ASTN2: variants seen among roughly 807,000 people sequenced by gnomAD.
The protein encoded by ASTN2 is astrotactin 2.
ASTN2 carries 54 observed loss-of-function variants against 139.8 expected under a neutral mutation model. The ratio of observed to expected loss-of-function variants is 0.39; its 90% CI spans 0.31 to 0.48. ASTN2 has a LOEUF of 0.48. Ranked by LOEUF, ASTN2 falls within the 20% of genes least tolerant of loss-of-function variation. The pLI is 0.95. For missense variants in ASTN2, 1,565 were observed against 1,725.1 expected, an observed-to-expected ratio of 0.91 and a Z score of 1.64; for synonymous variants, 756 against 719.5, an observed-to-expected ratio of 1.05 and a Z score of -0.81.
At chr9:117,080,954 T>G (rs1828411703) in intron 5 of ASTN2, among the ~76,000 whole-genome samples, 1 of 152,178 alleles carries the variant, frequency 6.6e-6, no homozygotes, top group Non-Finnish European at 1.5e-5. Context: ...CACACCCAAA[T>G]GTAATGGATA....
intron 5 of ASTN2, among the ~76,000 whole-genome samples, chr9:117,059,070 G>A (rs979195406): frequency 2.0e-5 from 3 of 152,198 alleles, no homozygotes; most frequent in African/African-American, 7.2e-5. Context: ...TAAGGGAGAA[G>A]GGTATCCTGC....
At chr9:116,731,934 TG>T (rs551184491) in intron 14 of ASTN2, among the ~76,000 whole-genome samples, 3 of 152,286 alleles carry the variant, frequency 2.0e-5, no homozygotes, top group South Asian at 2.1e-4. Context: ...ATTATAGACT[TG>T]ATTCCTCATT....
At chr9:116,973,292 T>A (rs771437270) in intron 10 of ASTN2, among the ~76,000 whole-genome samples, 6 of 152,290 alleles carry the variant, frequency 3.9e-5, no homozygotes, top group Admixed American at 2.0e-4. Context: ...TAGAAAATGA[T>A]CGATGATATG....
intron 11 of ASTN2, among the ~76,000 whole-genome samples, chr9:116,855,818 TTATAAGG>T (rs1832724365): frequency 6.6e-6 from 1 of 152,212 alleles, no homozygotes; most frequent in South Asian, 2.1e-4. Flanking sequence ...AATGCTTTCC[TTATAAGG>T]TAGCTGTGAG....
intron 16 of ASTN2, among the ~76,000 whole-genome samples, chr9:116,654,723 C>T (rs111441195): frequency 0.011 from 1,703 of 152,254 alleles, 29 homozygotes; most frequent in African/African-American, 0.039. Flanking sequence ...ATCATTTAAA[C>T]GACTATCTTA....
At chr9:117,135,603 G>A (rs1829932171) in intron 4 of ASTN2, among the ~76,000 whole-genome samples, 3 of 152,290 alleles carry the variant, frequency 2.0e-5, no homozygotes, top group Non-Finnish European at 4.4e-5. Flanking sequence ...TCATGGGACT[G>A]TGAGAGCTGA....
chr9:116,859,707 G>A (rs1453583722), intron 11 of ASTN2, among the ~76,000 whole-genome samples: 7 of 152,210 alleles, frequency 4.6e-5, no homozygotes. Flanking sequence ...GTGTATGAAG[G>A]GGATGAGGGG....
intron 12 of ASTN2, among the ~76,000 whole-genome samples, chr9:116,814,911 T>G (rs918992079): frequency 1.3e-5 from 2 of 152,250 alleles, no homozygotes; most frequent in Non-Finnish European, 1.5e-5. Context: ...GAGCATTTTT[T>G]ACACCTGAGC....
Position 116,805,698 on chromosome 9 carries a change from A to G in ASTN2, c.2330T>C (p.Met777Thr), listed in dbSNP as rs754011246. The change falls in exon 13 of 23, where the codon ATG (methionine) becomes ACG (threonine). Residue 777 changes from methionine (M) to threonine (T), a missense_variant. Met to Thr is a moderately conservative substitution (Grantham distance 81). Transcript: ENST00000313400. ...GGTCCGGTTGTTGTAACCATGTAGC[A>G]TCTCTCCAAAGAGGGTATCATTGAA... is the stretch of plus-strand genomic sequence containing the variant. ...SKFNDTLFGEMLHGYNNRTQH... is the reference protein window; with the variant it reads ...SKFNDTLFGETLHGYNNRTQH... 6.2e-7 allele frequency: 1 copy of G among 1,613,950 alleles called. No homozygotes were observed. Among genetic ancestry groups the G allele is most frequent in the East Asian group, 2.2e-5 (1 of 44,878 alleles).
At chr9:117,212,640 A>G (rs1832175494) in intron 3 of ASTN2, among the ~76,000 whole-genome samples, 2 of 152,188 alleles carry the variant, frequency 1.3e-5, no homozygotes, top group South Asian at 4.1e-4. Flanking sequence ...TTCTGAATAG[A>G]AATTTCTCAA....
intron 16 of ASTN2, among the ~76,000 whole-genome samples, chr9:116,667,383 T>C (rs960599407): frequency 5.9e-5 from 9 of 152,208 alleles, no homozygotes; most frequent in African/African-American, 1.9e-4. Context: ...GTTTGCAATA[T>C]ACACTGGGAT....
intron 1 of ASTN2, among the ~76,000 whole-genome samples, chr9:117,305,807 A>G (rs1401123743): frequency 6.6e-6 from 1 of 152,196 alleles, no homozygotes; most frequent in African/African-American, 2.4e-5. Flanking sequence ...TGACATTCCC[A>G]TGACTTAAGG....
intron 19 of ASTN2, chr9:116,611,091 T>C (rs567998654): frequency 2.0e-5 from 3 of 152,178 alleles, no homozygotes; most frequent in Non-Finnish European, 4.4e-5. Flanking sequence ...AAAACATATT[T>C]TCTGACTATA....
intron 1 of ASTN2, among the ~76,000 whole-genome samples, chr9:117,394,013 T>C (rs1443984066): frequency 6.6e-6 from 1 of 152,170 alleles, no homozygotes; most frequent in African/African-American, 2.4e-5. Context: ...AATGCAAGCT[T>C]ATGATGCAAT....
chr9:116,497,755 C>G (rs984057708), intron 19 of ASTN2, among the ~76,000 whole-genome samples: 4 of 152,116 alleles, frequency 2.6e-5, no homozygotes, highest in African/African-American at 9.7e-5. Context: ...AGGCCAAGTT[C>G]TCCTCCCCCC....
At chr9:116,728,957 C>A (rs1476261516) in intron 15 of ASTN2, 35 bp downstream of exon 15, 3 of 1,536,912 alleles carry the variant, frequency 2.0e-6, no homozygotes, top group Non-Finnish European at 2.6e-6. Flanking sequence ...CTAAATTATT[C>A]CAAGTCCCCT....
intron 20 of ASTN2, among the ~76,000 whole-genome samples, chr9:116,482,849 G>C (rs998661110): frequency 6.6e-6 from 1 of 152,204 alleles, no homozygotes; most frequent in African/African-American, 2.4e-5. Flanking sequence ...CCAGGGAGGT[G>C]AGGGCGGGTC....
chr9:116,945,939 C>A (rs577827074), intron 10 of ASTN2, among the ~76,000 whole-genome samples: 1 of 152,236 alleles, frequency 6.6e-6, no homozygotes, highest in African/African-American at 2.4e-5. Flanking sequence ...AACTGGGAGG[C>A]CTTAGGAAAC....
chr9:117,394,781 A>G (rs1257701477), intron 1 of ASTN2, among the ~76,000 whole-genome samples: 2 of 152,160 alleles, frequency 1.3e-5, no homozygotes, highest in African/African-American at 2.4e-5. Context: ...GAGACAAGCA[A>G]TAGAGGCGGG....
Sources: gnomAD v4.1 joint callset for allele counts (sites outside exome capture counted in the v4.1 genomes callset) on GRCh38, gnomAD v4.1.1 for gene constraint, MANE v1.5 for transcripts, NCBI Gene and HGNC (gene_info 2026-07-23, HGNC 2026-07-21) for gene names.